Variants in DCC observed in about 807,000 individuals in gnomAD.
The protein encoded by DCC is netrin receptor DCC.
Under a neutral mutation model 172.5 loss-of-function variants are expected in DCC, and 58 were observed. That is an observed-to-expected ratio of 0.34 (90% CI 0.27 to 0.42). DCC has a LOEUF of 0.42. Among genes scored for constraint, DCC ranks in the 10% least tolerant of loss-of-function variants. The pLI is 1.00. For missense variants in DCC, 1,740 were observed against 1,791.0 expected (o/e 0.97, Z 0.51); for synonymous variants, 709 against 644.5 (o/e 1.10, Z -1.52).
At chr18:52,404,132 G>A (rs1001236915) in intron 1 of DCC, among the ~76,000 whole-genome samples, 2 of 151,890 alleles carry the variant, frequency 1.3e-5, no homozygotes, top group Non-Finnish European at 2.9e-5. Context: ...AATGATACAT[G>A]GACTTATCAG....
At chr18:53,370,927 T>C (rs1435713787) in intron 15 of DCC, among the ~76,000 whole-genome samples, 2 of 151,886 alleles carry the variant, frequency 1.3e-5, no homozygotes, top group African/African-American at 4.8e-5. Flanking sequence ...AAAAAAATTT[T>C]ACCGAAACAA....
intron 1 of DCC, among the ~76,000 whole-genome samples, chr18:52,357,400 C>T (rs1306532909): frequency 6.6e-6 from 1 of 152,086 alleles, no homozygotes; most frequent in African/African-American, 2.4e-5. Flanking sequence ...TGAAAGCACT[C>T]TCAATGGTCA....
chr18:52,621,059 C>A (rs1453367649), intron 1 of DCC, among the ~76,000 whole-genome samples: 1 of 152,190 alleles, frequency 6.6e-6, no homozygotes, highest in Non-Finnish European at 1.5e-5. Flanking sequence ...GCAGAGCCAA[C>A]CTTCAGGACT....
In DCC at chr18:52,966,599, G is replaced by T. The variant is rs116570681; in HGVS notation, c.985+41229G>T. Among the ~76,000 whole-genome samples the T allele has an allele frequency of 1.6e-3, 236 of 152,188 alleles. 1 individual carries two copies. Among genetic ancestry groups the T allele is most frequent in the African/African-American group, 5.4e-3 (224 of 41,548 alleles). ...ATAGATAGGACAGTGAAAAGCAAGG[G>T]TTCAAAAGCAAGGATTCTTGGGGGC... is the stretch of plus-strand genomic sequence containing the variant. On this transcript the variant is annotated intron_variant, in intron 5 of 28. Coordinates refer to ENST00000442544, the MANE Select transcript of DCC (RefSeq NM_005215.4).
rs529770141 is a variant in DCC, at chr18:53,213,477, G to A, written c.1862-2071G>A. ...AGCCTGACCAACATGGTGAAACCCCGTCTCTACTAAAAGTGCAAAAGTTAA... is the reference window on the plus strand; with the variant it reads ...AGCCTGACCAACATGGTGAAACCCCATCTCTACTAAAAGTGCAAAAGTTAA... On this transcript the variant is annotated intron_variant, in intron 11 of 28. Transcript: ENST00000442544. Among the ~76,000 whole-genome samples the A allele has an allele frequency of 6.7e-4, 102 of 151,584 alleles. 1 individual carries two copies. The highest frequency in any genetic ancestry group is 6.7e-3 in the South Asian group (32 of 4,804).
chr18:53,460,371 G>T (rs1368750093), intron 24 of DCC, among the ~76,000 whole-genome samples: 1 of 141,574 alleles, frequency 7.1e-6, no homozygotes, highest in African/African-American at 2.6e-5. Context: ...ATGCTGGTGC[G>T]CTGCACCCAC....
intron 2 of DCC, among the ~76,000 whole-genome samples, chr18:52,800,067 T>G (rs2145224889): frequency 6.6e-6 from 1 of 152,330 alleles, no homozygotes; most frequent in African/African-American, 2.4e-5. Flanking sequence ...TTTTCTAAAT[T>G]ATACTTTTAT....
In DCC at chr18:52,773,333, A is replaced by C. The variant is rs139289708; in HGVS notation, c.412+20959A>C. Among the ~76,000 whole-genome samples, 118 of 152,312 alleles carry C rather than the reference A, an allele frequency of 7.7e-4. 1 individual carries two copies. Among genetic ancestry groups the C allele is most frequent in the African/African-American group, 2.6e-3 (108 of 41,576 alleles). On this transcript the variant is annotated intron_variant, in intron 2 of 28. Coordinates refer to ENST00000442544, the MANE Select transcript of DCC (RefSeq NM_005215.4). ...TTGTTATCTGAACATTGAGTAAGTT[A>C]GTAGCCACAACGAAGAGGTCAGCCT...
chr18:53,226,948 A>ATTT (rs397976119), intron 12 of DCC, among the ~76,000 whole-genome samples: 5 of 52,952 alleles, frequency 9.4e-5, no homozygotes, highest in African/African-American at 3.8e-4. Context: ...ATATATATAT[A>ATTT]TTTTTTTTTT....
chr18:53,534,845 T>G lies in DCC; in HGVS notation c.*4192T>G, dbSNP rs1598860630. 1 of 152,358 alleles carries G rather than the reference T, an allele frequency of 6.6e-6. No individual in the cohort carries two copies. Among genetic ancestry groups the G allele is most frequent in the Admixed American group, 6.5e-5 (1 of 15,302 alleles). 9.4% of individuals were successfully genotyped at this position (152,358 alleles called of 1,614,324 possible). A position where few individuals can be genotyped will look rare whatever the true frequency, so the allele number is the denominator to read the frequency against. The stretch of plus-strand genomic sequence containing the variant: ...ATTACTACTCATCTGGACTCTTCGT[T>G]GCCACTATTGCATAACGTTCACGTG... On this transcript the variant is annotated 3_prime_UTR_variant, in exon 29 of 29. Transcript: ENST00000442544.
At chr18:52,500,545 C>T (rs2168159) in intron 1 of DCC, among the ~76,000 whole-genome samples, 9,373 of 152,186 alleles carry the variant, frequency 0.062, 355 homozygotes, top group East Asian at 0.097. Flanking sequence ...ATTATTTTGG[C>T]GCTAATAAGT....
chr18:52,597,328 T>C (rs1235054785), intron 1 of DCC, among the ~76,000 whole-genome samples: 1 of 152,180 alleles, frequency 6.6e-6, no homozygotes, highest in Non-Finnish European at 1.5e-5. Context: ...GTTTACACTT[T>C]TTCATGCTCA....
chr18:53,376,245 G>A (rs1477094668), intron 15 of DCC, among the ~76,000 whole-genome samples: 4 of 152,110 alleles, frequency 2.6e-5, no homozygotes, highest in South Asian at 2.1e-4. Flanking sequence ...TCAGCCGGGC[G>A]TGTTGGTGGG....
intron 1 of DCC, among the ~76,000 whole-genome samples, chr18:52,561,423 G>A (rs2033035148): frequency 6.6e-6 from 1 of 150,620 alleles, no homozygotes; most frequent in Non-Finnish European, 1.5e-5. Context: ...ATATATATAT[G>A]TTTGTGTGTG....
At chr18:52,810,897 G>A (rs1431476782) in intron 2 of DCC, among the ~76,000 whole-genome samples, 1 of 152,082 alleles carries the variant, frequency 6.6e-6, no homozygotes, top group African/African-American at 2.4e-5. Context: ...GTCTGCCTAG[G>A]TATTTGGCTG....
intron 2 of DCC, among the ~76,000 whole-genome samples, chr18:52,777,305 C>T (rs926454662): frequency 5.1e-5 from 3 of 59,184 alleles, no homozygotes; most frequent in African/African-American, 1.4e-4. Context: ...CCACAGTGGC[C>T]CTGAAGGCCA....
At chr18:53,244,413 T>C (rs1303430339) in intron 12 of DCC, among the ~76,000 whole-genome samples, 1 of 152,150 alleles carries the variant, frequency 6.6e-6, no homozygotes, top group Non-Finnish European at 1.5e-5. Flanking sequence ...TGATCTATTG[T>C]TATGGAACAT....
At chr18:53,455,958 A>G (rs527957440) in intron 23 of DCC, among the ~76,000 whole-genome samples, 3 of 152,356 alleles carry the variant, frequency 2.0e-5, no homozygotes, top group African/African-American at 7.2e-5. Context: ...ATAAATAAAT[A>G]AGTGTTGTAA....
intron 15 of DCC, among the ~76,000 whole-genome samples, chr18:53,377,499 A>G (rs11082984): frequency 0.16 from 24,428 of 151,976 alleles, 2,442 homozygotes; most frequent in African/African-American, 0.27. Flanking sequence ...CTTGTGACCA[A>G]TCACCTCTTA....
Sources: gnomAD v4.1 joint callset for allele counts (sites outside exome capture counted in the v4.1 genomes callset) on GRCh38, gnomAD v4.1.1 for gene constraint, MANE v1.5 for transcripts, NCBI Gene and HGNC (gene_info 2026-07-23, HGNC 2026-07-21) for gene names.